Variants in MTUS2 observed in about 807,000 individuals in gnomAD.
MTUS2 encodes the protein microtubule-associated tumor suppressor candidate 2.
A neutral mutation model predicts 114.1 loss-of-function variants in MTUS2; 40 were observed. The observed-to-expected ratio is 0.35, with a 90% CI of 0.27 to 0.46. The LOEUF is 0.46. Ranked by LOEUF, MTUS2 falls within the 20% of genes least tolerant of loss-of-function variation. MTUS2 has a pLI of 1.00. For synonymous variants in MTUS2, 688 were observed against 672.0 expected, an observed-to-expected ratio of 1.02 and a Z score of -0.37; for missense variants, 1,679 against 1,705.4, an observed-to-expected ratio of 0.98 and a Z score of 0.27.
At chr13:29,495,057 G>A (rs1357998295) in intron 12 of MTUS2, among the ~76,000 whole-genome samples, 1 of 151,766 alleles carries the variant, frequency 6.6e-6, no homozygotes, top group Non-Finnish European at 1.5e-5. Context: ...GGTGGTGCAT[G>A]CCTGTAATCC....
intron 5 of MTUS2, among the ~76,000 whole-genome samples, chr13:29,108,575 G>C (rs935011511): frequency 6.6e-6 from 1 of 152,110 alleles, no homozygotes; most frequent in Non-Finnish European, 1.5e-5. Flanking sequence ...TAAGCTCAGC[G>C]CCAGGGCTGC....
intron 6 of MTUS2, among the ~76,000 whole-genome samples, chr13:29,319,955 G>A (rs1173580019): frequency 3.3e-5 from 5 of 152,276 alleles, no homozygotes; most frequent in Middle Eastern, 3.4e-3. Context: ...AAAGAGTTTC[G>A]TCATTGAGCC....
At chr13:29,342,024 T>A (rs1436792414) in intron 7 of MTUS2, among the ~76,000 whole-genome samples, 1 of 152,106 alleles carries the variant, frequency 6.6e-6, no homozygotes, top group Non-Finnish European at 1.5e-5. Flanking sequence ...TATTTTCATA[T>A]GAGTACCATG....
At position 29,503,935 on chromosome 13, in the gene MTUS2, G is replaced by A. The variant is rs939316849; in HGVS notation, c.*729G>A. The A allele has an allele frequency of 1.7e-5, 4 of 231,590 alleles. No homozygotes were observed. The highest frequency in any genetic ancestry group is 8.8e-5 in the African/African-American group (4 of 45,210). The allele number at this position is 231,590 out of a possible 1,614,324, so 14.3% of individuals were successfully genotyped here. A position where few individuals can be genotyped will look rare whatever the true frequency, so the allele number is the denominator to read the frequency against. On this transcript the variant is annotated 3_prime_UTR_variant, in exon 16 of 16. Coordinates refer to ENST00000612955, the MANE Select transcript of MTUS2 (RefSeq NM_001033602.4). ...TGATACTCCTGTCATGAGCGGATAA[G>A]GGAGAGCAGTGGGAAACCCTAAGGG...
At chr13:29,001,263 C>T (rs1477550590) in intron 2 of MTUS2, among the ~76,000 whole-genome samples, 2 of 152,140 alleles carry the variant, frequency 1.3e-5, no homozygotes, top group African/African-American at 4.8e-5. Context: ...ATCCTTCTGG[C>T]TATAGGGTTC....
At chr13:29,206,196 A>G (rs558360381) in intron 5 of MTUS2, among the ~76,000 whole-genome samples, 2 of 152,112 alleles carry the variant, frequency 1.3e-5, no homozygotes, top group Non-Finnish European at 2.9e-5. Flanking sequence ...TTTGTTGGCT[A>G]TTTTTATATT....
At chr13:29,317,213 A>G (rs977997413) in intron 6 of MTUS2, among the ~76,000 whole-genome samples, 5 of 152,216 alleles carry the variant, frequency 3.3e-5, no homozygotes, top group Non-Finnish European at 5.9e-5. Flanking sequence ...ACCTTCATGC[A>G]TGCAGTACAT....
At chr13:29,224,992 C>A (rs2139336840) in intron 5 of MTUS2, among the ~76,000 whole-genome samples, 1 of 152,312 alleles carries the variant, frequency 6.6e-6, no homozygotes, top group African/African-American at 2.4e-5. Context: ...GGTCACCAGG[C>A]TGTGTCTGCT....
chr13:29,143,174 C>A (rs1042841956), intron 5 of MTUS2, among the ~76,000 whole-genome samples: 2 of 152,120 alleles, frequency 1.3e-5, no homozygotes, highest in Non-Finnish European at 2.9e-5. Flanking sequence ...TCGGGATGAG[C>A]CCAAAGCACA....
chr13:29,420,663 G>A (rs1478897285), intron 8 of MTUS2, among the ~76,000 whole-genome samples: 5 of 152,166 alleles, frequency 3.3e-5, no homozygotes, highest in Admixed American at 6.5e-5. Flanking sequence ...TCTATTTAAC[G>A]TATGTCAAAT....
intron 5 of MTUS2, among the ~76,000 whole-genome samples, chr13:29,116,669 A>C (rs1006260635): frequency 6.6e-6 from 1 of 152,178 alleles, no homozygotes; most frequent in Non-Finnish European, 1.5e-5. Context: ...TTCTTAAGTA[A>C]CATAAGGGTT....
intron 4 of MTUS2, 37 bp downstream of exon 4, chr13:29,034,162 A>G: frequency 5.0e-6 from 8 of 1,611,408 alleles, no homozygotes; most frequent in Non-Finnish European, 6.8e-6. Context: ...TTCCTGCTGT[A>G]CGTTTAGATA....
intron 8 of MTUS2, among the ~76,000 whole-genome samples, chr13:29,419,712 C>G (rs559154334): frequency 6.6e-6 from 1 of 152,296 alleles, no homozygotes; most frequent in South Asian, 2.1e-4. Context: ...TCAGCAATGT[C>G]AGCCCTGCAG....
chr13:29,104,287 C>G (rs1054677742), intron 5 of MTUS2, among the ~76,000 whole-genome samples: 1 of 152,196 alleles, frequency 6.6e-6, no homozygotes, highest in Non-Finnish European at 1.5e-5. Flanking sequence ...ACCCATTTTA[C>G]AGCTGAGCAA....
intron 2 of MTUS2, among the ~76,000 whole-genome samples, chr13:29,022,239 A>G (rs781523946): frequency 9.2e-5 from 14 of 152,222 alleles, no homozygotes; most frequent in Non-Finnish European, 1.9e-4. Context: ...TTATGTATAG[A>G]CGCAAAAGAA....
chr13:28,935,277 C>A (rs113397511), intron 2 of MTUS2, among the ~76,000 whole-genome samples: 2,506 of 152,070 alleles, frequency 0.016, 63 homozygotes, highest in African/African-American at 0.056. Flanking sequence ...TTGTCCATTT[C>A]TTTTGTTCTA....
chr13:29,140,888 C>T (rs1239174966), intron 5 of MTUS2, among the ~76,000 whole-genome samples: 1 of 152,082 alleles, frequency 6.6e-6, no homozygotes, highest in Non-Finnish European at 1.5e-5. Flanking sequence ...TCATCCCATG[C>T]CTGGCATTCT....
intron 5 of MTUS2, among the ~76,000 whole-genome samples, chr13:29,121,763 TCTC>T (rs1291889338): frequency 1.3e-5 from 2 of 152,008 alleles, no homozygotes; most frequent in Non-Finnish European, 2.9e-5. Context: ...TTCAAGCAAT[TCTC>T]CTGCCTCAGC....
intron 5 of MTUS2, among the ~76,000 whole-genome samples, chr13:29,157,819 T>TACA (rs1892926014): frequency 8.7e-6 from 1 of 114,884 alleles, no homozygotes; most frequent in Non-Finnish European, 2.2e-5. Flanking sequence ...CAGATATAGA[T>TACA]GTAGATATAG....
Sources: allele counts gnomAD v4.1 joint callset (sites outside exome capture counted in the v4.1 genomes callset), GRCh38; gene constraint gnomAD v4.1.1; transcripts MANE v1.5; gene names NCBI Gene and HGNC (gene_info 2026-07-23, HGNC 2026-07-21).